Variants in PCDH15 observed in about 807,000 individuals in gnomAD.
PCDH15 encodes protocadherin-15.
In PCDH15, 129 loss-of-function variants were observed where a neutral mutation model predicts 178.5. The ratio of observed to expected loss-of-function variants is 0.72; its 90% CI spans 0.63 to 0.84. The LOEUF is 0.84. Ranked by LOEUF, PCDH15 falls within the 40% of genes least tolerant of loss-of-function variation. PCDH15 has a pLI of 0.00. For synonymous variants in PCDH15, 800 were observed against 732.0 expected (o/e 1.09, Z -1.50); for missense variants, 2,230 against 2,099.9 (o/e 1.06, Z -1.21).
At chr10:55,070,735 G>C (rs1000102169) in intron 2 of PCDH15, among the ~76,000 whole-genome samples, 2 of 152,052 alleles carry the variant, frequency 1.3e-5, no homozygotes, top group Non-Finnish European at 2.9e-5. Flanking sequence ...TGTTCTTTTG[G>C]CTTAGGATTG....
intron 2 of PCDH15, among the ~76,000 whole-genome samples, chr10:55,130,833 A>G (rs947659870): frequency 6.6e-6 from 1 of 151,956 alleles, no homozygotes; most frequent in Non-Finnish European, 1.5e-5. Flanking sequence ...AGTTCACATT[A>G]ATCAAAAAGT....
intron 8 of PCDH15, among the ~76,000 whole-genome samples, chr10:54,248,124 A>C (rs910886130): frequency 2.6e-5 from 4 of 151,742 alleles, no homozygotes; most frequent in Non-Finnish European, 4.4e-5. Context: ...AGCTTAATTG[A>C]TACCATGTCT....
intron 3 of PCDH15, among the ~76,000 whole-genome samples, chr10:54,811,659 C>T (rs1952865497): frequency 6.6e-6 from 1 of 151,972 alleles, no homozygotes; most frequent in Admixed American, 6.6e-5. Flanking sequence ...TTAGTAGAGA[C>T]GGGGTTTCAC....
chr10:55,064,076 G>C (rs906563941), intron 2 of PCDH15, among the ~76,000 whole-genome samples: 7 of 152,064 alleles, frequency 4.6e-5, no homozygotes, highest in African/African-American at 1.4e-4. Flanking sequence ...GAGAATCTAA[G>C]CAGAGAAGCA....
intron 2 of PCDH15, among the ~76,000 whole-genome samples, chr10:54,562,015 G>C (rs887624318): frequency 1.1e-5 from 1 of 91,814 alleles, no homozygotes. Context: ...TCCTGAGATT[G>C]TATCTCCCTC....
At chr10:55,373,761 T>C (rs2131992321) in intron 2 of PCDH15, among the ~76,000 whole-genome samples, 1 of 152,166 alleles carries the variant, frequency 6.6e-6, no homozygotes, top group Non-Finnish European at 1.5e-5. Context: ...TCCTGAATGG[T>C]ATTGCCTAGG....
intron 2 of PCDH15, among the ~76,000 whole-genome samples, chr10:54,918,201 G>A (rs1837392463): frequency 6.6e-6 from 1 of 151,772 alleles, no homozygotes; most frequent in African/African-American, 2.4e-5. Context: ...AACTTTTCCA[G>A]CCTTTTCAAC....
chr10:53,854,478 T>C (rs769292164), intron 28 of PCDH15, among the ~76,000 whole-genome samples: 1 of 152,024 alleles, frequency 6.6e-6, no homozygotes, highest in East Asian at 1.9e-4. Context: ...AGATTTATAT[T>C]TAATTCTTTT....
chr10:54,704,449 T>C (rs2095345396), intron 1 of PCDH15, among the ~76,000 whole-genome samples: 1 of 150,264 alleles, frequency 6.7e-6, no homozygotes. Flanking sequence ...TCTAAGGAAC[T>C]TAAATTAAGA....
At chr10:54,072,266 T>C (rs2094259063) in intron 17 of PCDH15, among the ~76,000 whole-genome samples, 1 of 152,132 alleles carries the variant, frequency 6.6e-6, no homozygotes, top group African/African-American at 2.4e-5. Flanking sequence ...ACATATTCAA[T>C]AATAAGTATA....
chr10:54,167,538 C>T (rs780619247), intron 13 of PCDH15, among the ~76,000 whole-genome samples: 4 of 151,990 alleles, frequency 2.6e-5, no homozygotes, highest in Admixed American at 1.3e-4. Flanking sequence ...CACACAGGGA[C>T]GCCTGCCTTG....
chr10:55,177,572 A>G (rs1169597419), intron 1 of PCDH15, among the ~76,000 whole-genome samples: 1 of 152,180 alleles, frequency 6.6e-6, no homozygotes, highest in Non-Finnish European at 1.5e-5. Flanking sequence ...CTACTAAGTT[A>G]ACGATGGGGA....
chr10:54,140,355 A>G (rs2133165805), intron 14 of PCDH15, among the ~76,000 whole-genome samples: 1 of 152,302 alleles, frequency 6.6e-6, no homozygotes, highest in South Asian at 2.1e-4. Context: ...ATATCAAAAA[A>G]CTGAATCAGG....
At chr10:55,052,533 C>CT (rs1841190948) in intron 2 of PCDH15, among the ~76,000 whole-genome samples, 1 of 78,022 alleles carries the variant, frequency 1.3e-5, no homozygotes, top group Non-Finnish European at 2.4e-5. Flanking sequence ...AACCCCGTCT[C>CT]ATACAAAAAA....
chr10:54,398,930 A>G (rs1951583598), intron 3 of PCDH15, among the ~76,000 whole-genome samples: 1 of 152,114 alleles, frequency 6.6e-6, no homozygotes, highest in African/African-American at 2.4e-5. Context: ...GGCCGACATC[A>G]AACATATTTT....
chr10:55,199,575 T>G (rs948924265), intron 1 of PCDH15, among the ~76,000 whole-genome samples: 1 of 152,136 alleles, frequency 6.6e-6, no homozygotes, highest in Admixed American at 6.5e-5. Context: ...CAGAAATTTA[T>G]ATAAGTAAAG....
At chr10:54,192,210 G>A (rs1289081032) in intron 11 of PCDH15, among the ~76,000 whole-genome samples, 8 of 148,254 alleles carry the variant, frequency 5.4e-5, no homozygotes, top group South Asian at 4.3e-4. Flanking sequence ...AAGGAAGGAA[G>A]GAAAAAGAGA....
chr10:54,648,891 A>T (rs911388408), intron 2 of PCDH15, among the ~76,000 whole-genome samples: 2 of 152,144 alleles, frequency 1.3e-5, no homozygotes, highest in Admixed American at 6.6e-5. Context: ...CTTTGATACA[A>T]CCACATAAAA....
intron 18 of PCDH15, among the ~76,000 whole-genome samples, chr10:54,043,049 A>C (rs1013802418): frequency 1.3e-5 from 2 of 152,140 alleles, no homozygotes; most frequent in Non-Finnish European, 1.5e-5. Flanking sequence ...ACAGGAGTTC[A>C]GAGTAAGTCA....
Sources: allele counts gnomAD v4.1 joint callset (sites outside exome capture counted in the v4.1 genomes callset), GRCh38; gene constraint gnomAD v4.1.1; transcripts MANE v1.5; gene names NCBI Gene and HGNC (gene_info 2026-07-23, HGNC 2026-07-21).